GIGYF2: variants seen among roughly 807,000 people sequenced by gnomAD.
GIGYF2 encodes the protein GRB10 interacting GYF protein 2.
In GIGYF2, 25 loss-of-function variants were observed where a neutral mutation model predicts 208.1. That is an observed-to-expected ratio of 0.12 (90% confidence interval 0.09 to 0.17). The LOEUF (loss-of-function observed/expected upper bound fraction) is 0.17, where lower values mean the gene tolerates loss of function less well. GIGYF2 is among the 10% of genes least tolerant of loss of function. GIGYF2 has a pLI of 1.00. For missense variants in GIGYF2, 1,302 were observed against 1,579.4 expected, an observed-to-expected ratio of 0.82 and a Z score of 2.98; for synonymous variants, 534 against 543.8, an observed-to-expected ratio of 0.98 and a Z score of 0.25.
chr2:232,787,188 G>C lies in GIGYF2; in HGVS notation c.571G>C (p.Gly191Arg). The C allele has an allele frequency of 6.2e-7, 1 of 1,614,040 alleles. No individual in the cohort carries two copies. The highest frequency in any genetic ancestry group is 8.5e-7 in the Non-Finnish European group (1 of 1,179,962). ...TGAGGAAGGTGGACCAACATCAGTA[G>C]GGAGAAAGCATGAATTTATACGCTC... ...NFEEGGPTSV[G>R]RKHEFIRSES... is the part of the protein sequence containing the mutation. The change falls in exon 9 of 29, where the codon GGG becomes CGG. Residue 191 changes from glycine to arginine, a missense_variant. Gly to Arg is a moderately radical substitution (Grantham distance 125). Coordinates refer to ENST00000373563, the MANE Select transcript of GIGYF2 (RefSeq NM_001103146.3).
chr2:232,700,524 T>C (rs1695795928), intron 1 of GIGYF2: 2 of 152,236 alleles, frequency 1.3e-5, no homozygotes. Flanking sequence ...TGTTTGCAGT[T>C]CTCCATTAGC....
intron 21 of GIGYF2, among the ~76,000 whole-genome samples, chr2:232,832,275 A>G (rs1701443249): frequency 6.6e-6 from 1 of 152,222 alleles, no homozygotes; most frequent in Non-Finnish European, 1.5e-5. Context: ...TGAGTTCCGC[A>G]GGGCACAATG....
At chr2:232,833,432 G>A (rs923378228) in intron 22 of GIGYF2, among the ~76,000 whole-genome samples, 14 of 152,186 alleles carry the variant, frequency 9.2e-5, no homozygotes, top group African/African-American at 3.4e-4. Flanking sequence ...ATGTTGCCCA[G>A]TGCTGGGATT....
At chr2:232,712,750 T>C (rs1313008685) in intron 2 of GIGYF2, among the ~76,000 whole-genome samples, 1 of 152,240 alleles carries the variant, frequency 6.6e-6, no homozygotes, top group Non-Finnish European at 1.5e-5. Flanking sequence ...CTTTGTAAAC[T>C]GCTGCTTTGA....
intron 20 of GIGYF2, 136 bp from the exon 21 acceptor site, chr2:232,819,691 C>A: frequency 1.6e-6 from 1 of 614,722 alleles, no homozygotes. Context: ...TACTCCAGAT[C>A]ATGATTACTT....
At chr2:232,703,164 C>G (rs1302042217) in intron 1 of GIGYF2, among the ~76,000 whole-genome samples, 1 of 152,126 alleles carries the variant, frequency 6.6e-6, no homozygotes, top group African/African-American at 2.4e-5. Context: ...CCCTGAAACC[C>G]CATGGTGGTC....
chr2:232,820,550 A>C (rs574522621), intron 21 of GIGYF2, among the ~76,000 whole-genome samples: 1 of 151,898 alleles, frequency 6.6e-6, no homozygotes, highest in Non-Finnish European at 1.5e-5. Context: ...TCCTGACCTC[A>C]TGATCCACCC....
At chr2:232,848,568 G>C (rs541004766) in intron 27 of GIGYF2, among the ~76,000 whole-genome samples, 1 of 152,282 alleles carries the variant, frequency 6.6e-6, no homozygotes, top group East Asian at 1.9e-4. Flanking sequence ...GGGAGGCAGA[G>C]GTTGCAGTGA....
chr2:232,711,619 C>T (rs1696403675), intron 2 of GIGYF2, among the ~76,000 whole-genome samples: 1 of 149,856 alleles, frequency 6.7e-6, no homozygotes, highest in African/African-American at 2.4e-5. Flanking sequence ...TAGAAGGCAA[C>T]TGGGTTATAT....
chr2:232,710,276 A>G (rs1205582266), intron 2 of GIGYF2, among the ~76,000 whole-genome samples: 2 of 151,928 alleles, frequency 1.3e-5, no homozygotes, highest in African/African-American at 4.8e-5. Flanking sequence ...TTATTTTAAG[A>G]GGGGATCTCG....
intron 3 of GIGYF2, among the ~76,000 whole-genome samples, chr2:232,739,742 A>G (rs1244405664): frequency 6.6e-6 from 1 of 152,074 alleles, no homozygotes; most frequent in Non-Finnish European, 1.5e-5. Context: ...CTACCACCCA[A>G]AGTAGCTTTG....
chr2:232,853,521 C>G (rs531828678), intron 28 of GIGYF2, among the ~76,000 whole-genome samples: 1 of 152,216 alleles, frequency 6.6e-6, no homozygotes, highest in East Asian at 1.9e-4. Context: ...GATCTGCCCG[C>G]CTTGGCCTGC....
chr2:232,713,201 G>T (rs537001187), intron 2 of GIGYF2, among the ~76,000 whole-genome samples: 3 of 151,284 alleles, frequency 2.0e-5, no homozygotes, highest in Non-Finnish European at 4.4e-5. Context: ...TCAGCCTCCC[G>T]AATAGCTGGG....
chr2:232,807,997 C>T (rs1323638177), intron 15 of GIGYF2, among the ~76,000 whole-genome samples: 3 of 152,228 alleles, frequency 2.0e-5, no homozygotes, highest in Admixed American at 2.0e-4. Flanking sequence ...TGAGCAAGAC[C>T]TAGCCTCTGT....
rs756311813 is a variant in GIGYF2, at chr2:232,806,893, C to T, written c.1806+236C>T. Among the ~76,000 whole-genome samples, 3 of 152,318 alleles carry T rather than the reference C, an allele frequency of 2.0e-5. No individual in the cohort carries two copies. The highest frequency in any genetic ancestry group is 1.9e-4 in the East Asian group (1 of 5,184). On this transcript the variant is annotated intron_variant, in intron 15 of 28. Transcript: ENST00000373563. The surrounding 1 kb of genome is among the most constrained non-coding windows in gnomAD (Gnocchi z 4.0). ...CCCCAGCTCCTCCCCAACAGGGAAA[C>T]GGAATCCTTCAGTAGCATTCCAGCA... is the stretch of plus-strand genomic sequence containing the variant.
intron 8 of GIGYF2, among the ~76,000 whole-genome samples, chr2:232,778,020 C>T (rs1398827244): frequency 1.3e-5 from 2 of 152,002 alleles, no homozygotes; most frequent in African/African-American, 4.8e-5. Flanking sequence ...GATCACAGCT[C>T]ACTGCAGCCT....
chr2:232,855,080 C>CTTTTTTTTTTTT (rs201395041), intron 28 of GIGYF2, among the ~76,000 whole-genome samples: 5 of 109,192 alleles, frequency 4.6e-5, no homozygotes, highest in Admixed American at 1.0e-4. Context: ...CTTTTTCTTT[C>CTTTTTTTTTTTT]TTTTTTTTTT....
At chr2:232,771,335 C>A in intron 8 of GIGYF2, 1 of 1,612,718 alleles carries the variant, frequency 6.2e-7, no homozygotes, top group Non-Finnish European at 8.5e-7. Context: ...AGGAGAGGAG[C>A]AATAACTTTG....
intron 12 of GIGYF2, among the ~76,000 whole-genome samples, chr2:232,792,059 C>T (rs1394546632): frequency 6.6e-6 from 1 of 152,072 alleles, no homozygotes; most frequent in African/African-American, 2.4e-5. Context: ...AAAATTGATA[C>T]CCTTTAACAT....
Sources: allele counts gnomAD v4.1 joint callset (sites outside exome capture counted in the v4.1 genomes callset), GRCh38; gene constraint gnomAD v4.1.1; non-coding constraint Gnocchi (gnomAD v3.1); transcripts MANE v1.5; gene names NCBI Gene and HGNC (gene_info 2026-07-23, HGNC 2026-07-21).